The following SMCHD1 variants were observed in gnomAD, a reference collection of about 807,000 sequenced individuals.
SMCHD1 encodes structural maintenance of chromosomes flexible hinge domain containing 1.
Under a neutral mutation model 254.7 loss-of-function variants are expected in SMCHD1, and 78 were observed. That is an observed-to-expected ratio of 0.31 (90% CI 0.26 to 0.37). SMCHD1 has a LOEUF of 0.37. Among genes scored for constraint, SMCHD1 ranks in the 10% least tolerant of loss-of-function variants. The pLI, the probability that SMCHD1 is intolerant of heterozygous loss-of-function variation, is 1.00. For synonymous variants in SMCHD1, 766 were observed against 794.9 expected (o/e 0.96, Z 0.61); for missense variants, 1,840 against 2,408.1 (o/e 0.76, Z 4.94).
chr18:2,793,053 TTTTTTGCCAA>T (rs1284941671), intron 45 of SMCHD1, among the ~76,000 whole-genome samples: 21 of 152,360 alleles, frequency 1.4e-4, no homozygotes, highest in Admixed American at 5.9e-4. Context: ...GCTTATCAGT[TTTTTTGCCAA>T]TAAGTTTCTT....
chr18:2,771,747 C>A, intron 40 of SMCHD1, 129 bp downstream of exon 40: 1 of 651,106 alleles, frequency 1.5e-6, no homozygotes, highest in Non-Finnish European at 2.4e-6. Context: ...ATTATCGTCA[C>A]TAGACATTAA....
chr18:2,759,526 A>G (rs2075746710), intron 34 of SMCHD1, among the ~76,000 whole-genome samples: 1 of 100,278 alleles, frequency 1.0e-5, no homozygotes, highest in Admixed American at 1.4e-4. Flanking sequence ...TTCATCATGA[A>G]GGGTTGGCCT....
chr18:2,663,011 G>A (rs2073339162), intron 1 of SMCHD1, among the ~76,000 whole-genome samples: 1 of 151,974 alleles, frequency 6.6e-6, no homozygotes, highest in Non-Finnish European at 1.5e-5. Context: ...TAACATTTTT[G>A]CCTACCTGAT....
chr18:2,757,721 TAC>T (rs1203627046), intron 34 of SMCHD1, among the ~76,000 whole-genome samples: 2 of 152,074 alleles, frequency 1.3e-5, no homozygotes, highest in African/African-American at 4.8e-5. Flanking sequence ...GCATTTGAGG[TAC>T]AGTGTTCTAT....
At chr18:2,712,018 C>T (rs570058803) in intron 17 of SMCHD1, among the ~76,000 whole-genome samples, 10 of 152,306 alleles carry the variant, frequency 6.6e-5, no homozygotes, top group African/African-American at 2.4e-4. Flanking sequence ...CTGAGGCTTT[C>T]ACCAGATGCC....
intron 45 of SMCHD1, among the ~76,000 whole-genome samples, chr18:2,788,271 C>T (rs1207753056): frequency 6.6e-6 from 1 of 152,138 alleles, no homozygotes; most frequent in African/African-American, 2.4e-5. Context: ...AAAAAAATTA[C>T]TGGACATTTA....
chr18:2,730,205 C>G (rs937693319), intron 24 of SMCHD1, among the ~76,000 whole-genome samples: 1 of 151,966 alleles, frequency 6.6e-6, no homozygotes, highest in Non-Finnish European at 1.5e-5. Context: ...GAATCTTGCT[C>G]TGTTGCCCAG....
In SMCHD1 at chr18:2,688,762, A is replaced by T. The variant is rs2074107467; in HGVS notation, c.873+15A>T. On this transcript the variant is annotated intron_variant, in intron 7 of 47. Transcript: ENST00000320876. ...GAAACAGAAAGGTACAATACATTTTAACTCATAATTATAAATTTACTCCTT... is the reference window on the plus strand; with the variant it reads ...GAAACAGAAAGGTACAATACATTTTTACTCATAATTATAAATTTACTCCTT... 1 of 1,255,266 alleles carries T rather than the reference A, an allele frequency of 8.0e-7. No homozygotes were observed. Among genetic ancestry groups the T allele is most frequent in the Non-Finnish European group, 1.1e-6 (1 of 903,966 alleles). 77.8% of individuals were successfully genotyped at this position (1,255,266 alleles called of 1,614,324 possible).
chr18:2,769,973 C>T lies in SMCHD1; in HGVS notation c.4847-16C>T. On this transcript the variant is annotated splice_polypyrimidine_tract_variant and intron_variant, in intron 38 of 47. Coordinates refer to ENST00000320876, the MANE Select transcript of SMCHD1 (RefSeq NM_015295.3). ...AGTTTTTAAATTATTTAAATTATCT[C>T]AATTTTTTTTCTTAGATGTTAAGAA... is the stretch of plus-strand genomic sequence containing the variant. The T allele has an allele frequency of 6.4e-7, 1 of 1,569,840 alleles. No homozygotes were observed. Among genetic ancestry groups the T allele is most frequent in the Non-Finnish European group, 8.6e-7 (1 of 1,166,096 alleles).
chr18:2,750,538 T>C, intron 32 of SMCHD1, 31 bp downstream of exon 32: 1 of 1,534,780 alleles, frequency 6.5e-7, no homozygotes, highest in Non-Finnish European at 8.8e-7. Context: ...AATAAATCTA[T>C]AATGATAATT....
chr18:2,678,066 T>C (rs7231783), intron 5 of SMCHD1, among the ~76,000 whole-genome samples: 147,234 of 152,316 alleles, frequency 0.97, 71,227 homozygotes, highest in East Asian at 1. Context: ...CCTCCCACTT[T>C]CGTGTACTAT....
chr18:2,756,207 C>G (rs1461343773), intron 34 of SMCHD1, among the ~76,000 whole-genome samples: 1 of 152,174 alleles, frequency 6.6e-6, no homozygotes, highest in Non-Finnish European at 1.5e-5. Flanking sequence ...CTTGCAATTA[C>G]TGGAATAAAC....
chr18:2,755,208 C>T (rs1372113281), intron 34 of SMCHD1, among the ~76,000 whole-genome samples: 1 of 152,094 alleles, frequency 6.6e-6, no homozygotes, highest in African/African-American at 2.4e-5. Flanking sequence ...ACCCACAGCA[C>T]TACGCCTGAC....
In SMCHD1 at chr18:2,673,339, G is replaced by A. The variant is rs754758261; in HGVS notation, c.483G>A (p.Gly161=). 4 of 1,575,166 alleles carry A rather than the reference G, an allele frequency of 2.5e-6. No homozygotes were observed. Among genetic ancestry groups the A allele is most frequent in the Admixed American group, 3.4e-5 (2 of 58,536 alleles). Residue 161 remains glycine, a synonymous_variant, in exon 4 of 48, where the codon GGG becomes GGA. Transcript: ENST00000320876. ...NSLSATSRNI[G]VRRIQIKLLF... ...TGTCTGCTACTTCTCGTAACATTGG[G>A]GTTAGAAGAATACAGATCAAATTGG...
intron 45 of SMCHD1, among the ~76,000 whole-genome samples, chr18:2,790,461 G>A (rs969506456): frequency 1.3e-5 from 2 of 151,926 alleles, no homozygotes; most frequent in African/African-American, 4.8e-5. Context: ...GGTATGTATA[G>A]GACAAAACAC....
chr18:2,697,731 A>G (rs2074314289), intron 9 of SMCHD1, 100 bp from the exon 10 acceptor site: 6 of 765,270 alleles, frequency 7.8e-6, no homozygotes, highest in Admixed American at 2.6e-5. Flanking sequence ...TACTTGTACA[A>G]ATAAACATAA....
chr18:2,781,325 A>G (rs1249379092), intron 44 of SMCHD1, among the ~76,000 whole-genome samples: 1 of 152,220 alleles, frequency 6.6e-6, no homozygotes, highest in Non-Finnish European at 1.5e-5. Flanking sequence ...CAACATAACA[A>G]TTGACTCTAA....
At chr18:2,684,763 A>T (rs1028322223) in intron 5 of SMCHD1, among the ~76,000 whole-genome samples, 7 of 108,798 alleles carry the variant, frequency 6.4e-5, no homozygotes, top group Admixed American at 4.1e-4. Flanking sequence ...TTGGCTTATT[A>T]ACTATAGCTG....
intron 7 of SMCHD1, among the ~76,000 whole-genome samples, chr18:2,689,138 A>C (rs2074114972): frequency 6.6e-6 from 1 of 152,180 alleles, no homozygotes; most frequent in South Asian, 2.1e-4. Flanking sequence ...AATGTTAACA[A>C]ATTTGAATCT....
Sources: allele counts gnomAD v4.1 joint callset (sites outside exome capture counted in the v4.1 genomes callset), GRCh38; gene constraint gnomAD v4.1.1; transcripts MANE v1.5; gene names NCBI Gene and HGNC (gene_info 2026-07-23, HGNC 2026-07-21).